The following TLCD4 variants were observed in gnomAD, a reference collection of about 807,000 sequenced individuals.
TLCD4 encodes TLC domain containing 4, also known as TLC domain-containing protein 4.
In TLCD4, 7 loss-of-function variants were observed where a neutral mutation model predicts 24.2. The ratio of observed to expected loss-of-function variants is 0.29; its 90% CI spans 0.16 to 0.54. The LOEUF (loss-of-function observed/expected upper bound fraction) is 0.54. Ranked by LOEUF, TLCD4 falls within the 20% of genes least tolerant of loss-of-function variation. The pLI is 0.95. For synonymous variants in TLCD4, 103 were observed against 106.4 expected (o/e 0.97, Z 0.20); for missense variants, 259 against 313.9 (o/e 0.82, Z 1.32).
At chr1:95,150,957 A>G (rs572542020) in intron 4 of TLCD4, among the ~76,000 whole-genome samples, 1 of 152,224 alleles carries the variant, frequency 6.6e-6, no homozygotes, top group South Asian at 2.1e-4. Flanking sequence ...GCTTTCAACA[A>G]ATATTATATT....
At chr1:95,166,966 C>T (rs907788215) in intron 5 of TLCD4, among the ~76,000 whole-genome samples, 7 of 152,106 alleles carry the variant, frequency 4.6e-5, no homozygotes, top group African/African-American at 1.7e-4. Context: ...AATTCCTGAT[C>T]TCAAGCGATC....
the TLCD4 span, among the ~76,000 whole-genome samples, chr1:95,102,432 T>G: frequency 6.6e-6 from 1 of 150,972 alleles, no homozygotes; most frequent in African/African-American, 2.4e-5. Context: ...GAGGGAGGAG[T>G]CTAGGAAAAT....
intron 5 of TLCD4, among the ~76,000 whole-genome samples, chr1:95,163,006 C>A (rs1254690596): frequency 6.6e-6 from 1 of 152,144 alleles, no homozygotes; most frequent in East Asian, 1.9e-4. Context: ...CGAGGAGTAT[C>A]TTTGTGGTGT....
At chr1:95,098,343 C>T in the TLCD4 span, among the ~76,000 whole-genome samples, 1 of 152,160 alleles carries the variant, frequency 6.6e-6, no homozygotes, top group East Asian at 1.9e-4. Context: ...TCATTGTTTC[C>T]TCATTTCCTC....
chr1:95,136,252 T>G (rs57008916), intron 1 of TLCD4, among the ~76,000 whole-genome samples: 20,074 of 152,116 alleles, frequency 0.13, 1,341 homozygotes, highest in Middle Eastern at 0.16. Flanking sequence ...TTGTTTTTTT[T>G]TGTGTGTGTT....
chr1:95,142,029 A>G (rs962130698), intron 1 of TLCD4, among the ~76,000 whole-genome samples: 1 of 151,888 alleles, frequency 6.6e-6, no homozygotes, highest in Admixed American at 6.6e-5. Context: ...GCAGCTGGAA[A>G]TGTGTATTGA....
intron 2 of TLCD4, among the ~76,000 whole-genome samples, chr1:95,146,306 A>T (rs1677346314): frequency 1.3e-5 from 2 of 152,122 alleles, no homozygotes; most frequent in Non-Finnish European, 2.9e-5. Context: ...TAATGTAAAA[A>T]AATTTTCTTA....
At chr1:95,183,944 A>G (rs1678740701) in intron 6 of TLCD4, among the ~76,000 whole-genome samples, 1 of 152,170 alleles carries the variant, frequency 6.6e-6, no homozygotes, top group African/African-American at 2.4e-5. Flanking sequence ...GTAGTAGGGG[A>G]ACCAAAATAA....
the TLCD4 span, among the ~76,000 whole-genome samples, chr1:95,106,352 A>G: frequency 0.51 from 77,719 of 152,012 alleles, 21,353 homozygotes; most frequent in Non-Finnish European, 0.6. Flanking sequence ...TTCCTTATTG[A>G]AAATAAATCC....
intron 6 of TLCD4, among the ~76,000 whole-genome samples, chr1:95,190,318 GTTTCTTTTCTTTTCT>G (rs111246052): frequency 1.3e-5 from 2 of 150,152 alleles, no homozygotes; most frequent in Non-Finnish European, 3.0e-5. Context: ...GGCCACATTG[GTTTCTTTTCTTTTCT>G]TTTCTTTTCT....
chr1:95,166,011 C>G (rs1571762235), intron 5 of TLCD4, among the ~76,000 whole-genome samples: 1 of 152,090 alleles, frequency 6.6e-6, no homozygotes, highest in East Asian at 1.9e-4. Flanking sequence ...CTGTAAATAT[C>G]AGAAGGTTTA....
chr1:95,151,523 C>T, intron 5 of TLCD4, 104 bp downstream of exon 5: 15 of 1,340,540 alleles, frequency 1.1e-5, no homozygotes, highest in Non-Finnish European at 1.5e-5. Context: ...TTTTAAAGAC[C>T]ATCTCCAGAT....
chr1:95,094,949 A>G, the TLCD4 span, among the ~76,000 whole-genome samples: 3 of 152,204 alleles, frequency 2.0e-5, no homozygotes, highest in South Asian at 2.1e-4. Context: ...ATCCATGAGT[A>G]TGAGTTGTGG....
intron 6 of TLCD4, among the ~76,000 whole-genome samples, chr1:95,183,414 A>G: frequency 7.8e-6 from 1 of 128,676 alleles, no homozygotes; most frequent in East Asian, 2.0e-4. Context: ...ATATTGGATA[A>G]GAGGACAAAC....
At chr1:95,111,774 G>A in the TLCD4 span, among the ~76,000 whole-genome samples, 1 of 152,110 alleles carries the variant, frequency 6.6e-6, no homozygotes. Flanking sequence ...TGGACCCCTG[G>A]GTCCCTTCTC....
the TLCD4 span, among the ~76,000 whole-genome samples, chr1:95,098,000 A>G: frequency 6.6e-6 from 1 of 152,232 alleles, no homozygotes; most frequent in African/African-American, 2.4e-5. Flanking sequence ...CTAGCTCTCA[A>G]TATATTTGTA....
intron 6 of TLCD4, 131 bp from the exon 7 acceptor site, chr1:95,191,419 C>A: frequency 8.6e-7 from 1 of 1,156,326 alleles, no homozygotes; most frequent in Non-Finnish European, 1.2e-6. Flanking sequence ...TGTTCTTTTT[C>A]AGCATTGCGT....
Position 95,151,333 on chromosome 1 carries a change from A to G in TLCD4, c.313A>G (p.Ile105Val). ...ASGYLISDLS[I>V]IILYWKVIGD... ...ACTTTTCTTTCTTACAGATTTGTCC[A>G]TTATAATTTTGTATTGGAAAGTGAT... Residue 105 changes from isoleucine (I) to valine (V), a missense_variant, in exon 5 of 7, where the codon ATT becomes GTT. Transcript: ENST00000370203. The G allele has an allele frequency of 1.9e-6, 3 of 1,613,002 alleles. No individual in the cohort carries two copies. The highest frequency in any genetic ancestry group is 2.5e-6 in the Non-Finnish European group (3 of 1,179,328).
intron 6 of TLCD4, among the ~76,000 whole-genome samples, chr1:95,186,718 G>A (rs542565557): frequency 2.0e-5 from 3 of 152,282 alleles, no homozygotes; most frequent in African/African-American, 4.8e-5. Flanking sequence ...GAATGTGGAT[G>A]TCATTGCTTT....
Sources: allele counts gnomAD v4.1 joint callset (sites outside exome capture counted in the v4.1 genomes callset), GRCh38; gene constraint gnomAD v4.1.1; transcripts MANE v1.5; gene names NCBI Gene and HGNC (gene_info 2026-07-23, HGNC 2026-07-21).